The following TOGARAM2 variants were observed in gnomAD, a reference collection of about 807,000 sequenced individuals.
TOGARAM2 encodes the protein TOG array regulator of axonemal microtubules 2.
In TOGARAM2, 85 loss-of-function variants were observed where a neutral mutation model predicts 93.3. The ratio of observed to expected loss-of-function variants is 0.91; its 90% CI spans 0.76 to 1.09. TOGARAM2 has a LOEUF of 1.09. Ranked by LOEUF, TOGARAM2 falls within the 50% of genes least tolerant of loss-of-function variation. The pLI is 0.00. For synonymous variants in TOGARAM2, 593 were observed against 552.8 expected, an observed-to-expected ratio of 1.07 and a Z score of -1.02; for missense variants, 1,277 against 1,334.5, an observed-to-expected ratio of 0.96 and a Z score of 0.67.
At position 28,995,284 on chromosome 2, in the gene TOGARAM2, T is replaced by A. The variant is rs148767783; in HGVS notation, c.28+422T>A. Reference sequence around the variant, plus strand: ...TGTGTGGCCAGTTAGCATCAGGAGATGGGCCTTGAGGCCTGGCTCTGCTTT... The same window carrying A: ...TGTGTGGCCAGTTAGCATCAGGAGAAGGGCCTTGAGGCCTGGCTCTGCTTT... On this transcript the variant is annotated intron_variant, in intron 2 of 19. Transcript: ENST00000379558. Among the ~76,000 whole-genome samples the A allele has an allele frequency of 1.1e-3, 170 of 152,312 alleles. 3 individuals carry two copies. In the East Asian group the frequency reaches 0.03, roughly 27 times the overall value.
At position 28,998,216 on chromosome 2, in the gene TOGARAM2, G is replaced by A. The variant is rs201622059; in HGVS notation, c.102G>A (p.Pro34=). Residue 34 remains proline (P), a synonymous_variant, in exon 3 of 20, where the codon CCG becomes CCA. Coordinates refer to ENST00000379558, the MANE Select transcript of TOGARAM2 (RefSeq NM_199280.4). ...PRTSAGPRVL[P]PGSINSSLPH... is the part of the protein sequence containing the mutation. ...CCAGTGCTGGGCCCCGGGTGCTCCC[G>A]CCTGGAAGCATCAACTCCAGTCTGC... 6.2e-6 allele frequency: 10 copies of A among 1,612,110 alleles called. No individual in the cohort carries two copies. Among genetic ancestry groups the A allele is most frequent in the East Asian group, 4.5e-5 (2 of 44,796 alleles).
intron 2 of TOGARAM2, 70 bp downstream of exon 2, chr2:28,994,932 AG>A: frequency 6.5e-7 from 1 of 1,532,150 alleles, no homozygotes; most frequent in Non-Finnish European, 8.8e-7. Flanking sequence ...GACACTCCCA[AG>A]GGCCAGAAAA....
intron 8 of TOGARAM2, among the ~76,000 whole-genome samples, chr2:29,016,686 C>G (rs1664591708): frequency 6.6e-6 from 1 of 152,158 alleles, no homozygotes; most frequent in South Asian, 2.1e-4. Flanking sequence ...GGATCCTGCC[C>G]CCTGCCTGAT....
chr2:28,978,257 G>C (rs576557321), upstream of TOGARAM2, among the ~76,000 whole-genome samples: 1 of 152,160 alleles, frequency 6.6e-6, no homozygotes, highest in Non-Finnish European at 1.5e-5. Context: ...AGGCTTTTGG[G>C]GTGGAGGGAA....
intron 8 of TOGARAM2, among the ~76,000 whole-genome samples, chr2:29,015,180 T>C (rs1167710514): frequency 6.9e-6 from 1 of 144,340 alleles, no homozygotes; most frequent in Non-Finnish European, 1.5e-5. Context: ...TATTCTCTGT[T>C]AGAGACTGGG....
At chr2:28,974,551 C>T (rs1402666889) in intron 1 of TOGARAM2, among the ~76,000 whole-genome samples, 1 of 152,076 alleles carries the variant, frequency 6.6e-6, no homozygotes, top group Admixed American at 6.6e-5. Context: ...CCTTGAACTC[C>T]AGTCATACAA....
intron 16 of TOGARAM2, among the ~76,000 whole-genome samples, chr2:29,034,467 G>T (rs951796393): frequency 1.2e-4 from 19 of 152,330 alleles, no homozygotes; most frequent in Admixed American, 1.1e-3. Context: ...AACGGCAAAG[G>T]CTGTGCTCTC....
At chr2:28,988,622 C>T (rs1672571364) in intron 1 of TOGARAM2, among the ~76,000 whole-genome samples, 1 of 152,126 alleles carries the variant, frequency 6.6e-6, no homozygotes, top group African/African-American at 2.4e-5. Context: ...AACAAGCAAA[C>T]AAAAAATACA....
intron 18 of TOGARAM2, among the ~76,000 whole-genome samples, chr2:29,040,333 A>G (rs946001108): frequency 6.6e-6 from 1 of 152,232 alleles, no homozygotes; most frequent in African/African-American, 2.4e-5. Flanking sequence ...TATTTTGAAT[A>G]AATGAAGATA....
At chr2:28,972,244 A>G (rs1671959736) in intron 1 of TOGARAM2, among the ~76,000 whole-genome samples, 1 of 152,138 alleles carries the variant, frequency 6.6e-6, no homozygotes, top group South Asian at 2.1e-4. Context: ...ACGTGCCAGC[A>G]CGCGTGGCTA....
At chr2:29,044,273 T>C (rs1666605726) in intron 18 of TOGARAM2, among the ~76,000 whole-genome samples, 1 of 152,162 alleles carries the variant, frequency 6.6e-6, no homozygotes, top group Non-Finnish European at 1.5e-5. Flanking sequence ...TTGGGGCATA[T>C]AGACGATAAA....
At chr2:28,992,929 G>A (rs1672805464) in intron 1 of TOGARAM2, among the ~76,000 whole-genome samples, 1 of 152,072 alleles carries the variant, frequency 6.6e-6, no homozygotes. Flanking sequence ...CCATGGTGAT[G>A]TATGCCTGTA....
chr2:28,998,083 G>T lies in TOGARAM2; in HGVS notation c.29-60G>T, dbSNP rs1673084511. 4.1e-6 allele frequency: 5 copies of T among 1,210,684 alleles called. No homozygotes were observed. In the African/African-American group the frequency reaches 6.1e-5, roughly 15 times the overall value. 75.0% of individuals were successfully genotyped at this position (1,210,684 alleles called of 1,614,324 possible). A position where few individuals can be genotyped will look rare whatever the true frequency, so the allele number is the denominator to read the frequency against. On this transcript the variant is annotated intron_variant, in intron 2 of 19. Transcript: ENST00000379558. The stretch of plus-strand genomic sequence containing the variant: ...GGTTACGGCCGGGTGTTCTTGGTTT[G>T]CTCCCAGTCTTGGCCTTGGAGGACT...
chr2:29,026,918 G>C lies in TOGARAM2; in HGVS notation c.1919G>C (p.Gly640Ala). 1 of 1,585,872 alleles carries C rather than the reference G, an allele frequency of 6.3e-7. No individual in the cohort carries two copies. The highest frequency in any genetic ancestry group is 8.6e-7 in the Non-Finnish European group (1 of 1,166,112). ...EHLSAVLEQI[G>A]AEKLLSGTRD... ...CTCTCAGCTGTGCTGGAGCAGATCG[G>C]CGCTGAGAAGCTTCTCTCGGGCACC... is the stretch of plus-strand genomic sequence containing the variant. The change falls in exon 14 of 20, where the codon GGC becomes GCC. Residue 640 changes from glycine to alanine, a missense_variant. Transcript: ENST00000379558.
At chr2:29,022,011 C>G (rs972786100) in intron 10 of TOGARAM2, 147 bp from the exon 11 acceptor site, 1 of 1,031,390 alleles carries the variant, frequency 9.7e-7, no homozygotes, top group Admixed American at 2.1e-5. Context: ...CTTAGCCTCA[C>G]CAGGCACTTC....
At chr2:29,028,317 T>C (rs1009893431) in intron 14 of TOGARAM2, among the ~76,000 whole-genome samples, 31 of 152,252 alleles carry the variant, frequency 2.0e-4, no homozygotes, top group African/African-American at 7.5e-4. Flanking sequence ...CTGAGGGATG[T>C]AGTGCCTGCG....
rs1673158917 is a variant in TOGARAM2 at position 28,999,323 on chromosome 2, C to T, written c.282C>T (p.Leu94=). 7 of 1,613,904 alleles carry T rather than the reference C, an allele frequency of 4.3e-6. No individual in the cohort carries two copies. The African/African-American group carries it at 5.3e-5, about 12-fold the overall frequency. The change falls in exon 4 of 20, where the codon CTC becomes CTT. Residue 94 remains leucine (L), a synonymous_variant. Transcript: ENST00000379558. ...CAAGGAATGGTCACCCCAGGAACCTCAGGGCCTTGTCTTTGGGGGACCAGC... is the reference window on the plus strand; with the variant it reads ...CAAGGAATGGTCACCCCAGGAACCTTAGGGCCTTGTCTTTGGGGGACCAGC... ...WQARNGHPRN[L]RALSLGDQPL...
chr2:29,016,638 G>A (rs1326696929), intron 8 of TOGARAM2, among the ~76,000 whole-genome samples: 1 of 152,190 alleles, frequency 6.6e-6, no homozygotes, highest in Non-Finnish European at 1.5e-5. Flanking sequence ...GTGTCCTTCA[G>A]AGGAGAAGCC....
At chr2:28,997,408 C>T (rs977076288) in intron 2 of TOGARAM2, among the ~76,000 whole-genome samples, 2 of 152,206 alleles carry the variant, frequency 1.3e-5, no homozygotes, top group Non-Finnish European at 2.9e-5. Context: ...TTTTCTGTCC[C>T]CATCTCTGGC....
Sources: gnomAD v4.1 joint callset for allele counts (sites outside exome capture counted in the v4.1 genomes callset) on GRCh38, gnomAD v4.1.1 for gene constraint, MANE v1.5 for transcripts, NCBI Gene and HGNC (gene_info 2026-07-23, HGNC 2026-07-21) for gene names.